Variants in SLC25A13 observed in about 807,000 individuals in gnomAD.
SLC25A13 encodes the protein electrogenic aspartate/glutamate antiporter SLC25A13, mitochondrial.
In SLC25A13, 70 loss-of-function variants were observed where a neutral mutation model predicts 85.5. The ratio of observed to expected loss-of-function variants is 0.82; its 90% confidence interval spans 0.68 to 1.00. SLC25A13 has a LOEUF of 1.00. Among genes scored for constraint, SLC25A13 ranks in the 50% least tolerant of loss-of-function variants. The probability of loss-of-function intolerance (pLI) is 0.00; values close to 1 mark genes in which losing one functional copy is unlikely to be tolerated. For missense variants in SLC25A13, 765 were observed against 819.8 expected (o/e 0.93, Z 0.82); for synonymous variants, 259 against 288.7 (o/e 0.90, Z 1.04).
intron 4 of SLC25A13, among the ~76,000 whole-genome samples, chr7:96,227,934 G>A (rs1392665391): frequency 6.6e-6 from 1 of 151,966 alleles, no homozygotes; most frequent in Non-Finnish European, 1.5e-5. Flanking sequence ...GCATGATGTC[G>A]GCTCACTGTA....
intron 13 of SLC25A13, among the ~76,000 whole-genome samples, chr7:96,160,959 T>C (rs936669191): frequency 1.3e-5 from 2 of 148,296 alleles, no homozygotes. Context: ...ATTTAGATAG[T>C]GCCATGAGGT....
intron 4 of SLC25A13, among the ~76,000 whole-genome samples, chr7:96,229,640 C>T (rs936348363): frequency 6.6e-6 from 1 of 152,032 alleles, no homozygotes; most frequent in Non-Finnish European, 1.5e-5. Context: ...AGGCCAGCGA[C>T]ACCACGAACC....
At chr7:96,233,839 GA>G (rs904099731) in intron 4 of SLC25A13, among the ~76,000 whole-genome samples, 30 of 152,308 alleles carry the variant, frequency 2.0e-4, no homozygotes, top group African/African-American at 7.2e-4. Flanking sequence ...GAATGAATTA[GA>G]AACTATGAAT....
intron 4 of SLC25A13, among the ~76,000 whole-genome samples, chr7:96,227,020 G>C (rs534485376): frequency 5.7e-4 from 87 of 152,244 alleles, no homozygotes; most frequent in African/African-American, 2.1e-3. Context: ...TATTCAATAT[G>C]TAGTAAAATA....
At chr7:96,239,065 A>ATTTTATATATATATATATATATATATG (rs1554362998) in intron 3 of SLC25A13, among the ~76,000 whole-genome samples, 1 of 132,070 alleles carries the variant, frequency 7.6e-6, no homozygotes, top group African/African-American at 2.9e-5. Flanking sequence ...ATATATATAT[A>ATTTTATATATATATATATATATATATG]TATGTATGTA....
rs148962110 is a variant in SLC25A13, at chr7:96,121,309, A to C, written c.1910T>G (p.Val637Gly). ...AGCAACTGCCAGTTTGTAGCCCCCA[A>C]CGTGATCAGGATTCGGGGCAGGCAG... ...INLPAPNPDH[V>G]GGYKLAVATF... The change falls in exon 18 of 18, where the codon GTT becomes GGT. Residue 637 changes from valine (V) to glycine (G), a missense_variant. Physicochemically the swap from Val to Gly is moderately radical, Grantham distance 109. Coordinates refer to ENST00000265631, the MANE Select transcript of SLC25A13 (RefSeq NM_014251.3). 1.2e-6 allele frequency: 2 copies of C among 1,614,082 alleles called. No homozygotes were observed. Among genetic ancestry groups the C allele is most frequent in the Non-Finnish European group, 1.7e-6 (2 of 1,180,004 alleles).
intron 1 of SLC25A13, among the ~76,000 whole-genome samples, chr7:96,317,128 G>T (rs1800158682): frequency 6.6e-6 from 1 of 152,030 alleles, no homozygotes; most frequent in Non-Finnish European, 1.5e-5. Flanking sequence ...GCACCACTAT[G>T]CCCGGCTAAT....
intron 3 of SLC25A13, among the ~76,000 whole-genome samples, chr7:96,253,139 A>AGACAGT (rs989340711): frequency 5.3e-5 from 8 of 152,186 alleles, no homozygotes; most frequent in African/African-American, 1.9e-4. Flanking sequence ...GGGCCAGAAC[A>AGACAGT]GACAGTGCTT....
At chr7:96,128,752 T>A (rs1233714306) in intron 15 of SLC25A13, among the ~76,000 whole-genome samples, 1 of 139,966 alleles carries the variant, frequency 7.1e-6, no homozygotes, top group Non-Finnish European at 1.5e-5. Flanking sequence ...GAACTTAAAG[T>A]ATAATAATAA....
intron 12 of SLC25A13, 110 bp downstream of exon 12, chr7:96,171,362 T>C (rs1285073674): frequency 3.7e-5 from 35 of 949,302 alleles, no homozygotes; most frequent in Non-Finnish European, 5.8e-5. Flanking sequence ...GCTTTCAAAT[T>C]AGCTAGCACC....
intron 13 of SLC25A13, among the ~76,000 whole-genome samples, chr7:96,157,183 A>T (rs1793305402): frequency 6.6e-6 from 1 of 152,238 alleles, no homozygotes; most frequent in Non-Finnish European, 1.5e-5. Context: ...TCAAACGCAC[A>T]GCATTCTACT....
intron 13 of SLC25A13, among the ~76,000 whole-genome samples, chr7:96,150,091 G>T (rs1792971408): frequency 6.6e-6 from 1 of 151,706 alleles, no homozygotes; most frequent in African/African-American, 2.4e-5. Context: ...ATTTACAGCG[G>T]TAACACTGAC....
In SLC25A13 at chr7:96,296,952, C is replaced by T. The variant is rs774759392; in HGVS notation, c.16-1G>A. The T allele has an allele frequency of 6.2e-7, 1 of 1,612,228 alleles. No homozygotes were observed. The highest frequency in any genetic ancestry group is 8.5e-7 in the Non-Finnish European group (1 of 1,178,488). On this transcript the variant is annotated splice_acceptor_variant, in intron 1 of 17. Transcript: ENST00000265631. LOFTEE classifies it high-confidence loss of function. ...GATCTGCTCTCTTGGTTAAAGCCACCTATAAATAAACATAAAAATGTTTAT... is the reference window on the plus strand; with the variant it reads ...GATCTGCTCTCTTGGTTAAAGCCACTTATAAATAAACATAAAAATGTTTAT...
chr7:96,254,501 C>G (rs546169034), intron 3 of SLC25A13, among the ~76,000 whole-genome samples: 2 of 152,262 alleles, frequency 1.3e-5, no homozygotes, highest in Admixed American at 1.3e-4. Context: ...TAATAAATGT[C>G]TTCATTTATT....
At chr7:96,188,490 T>C (rs1794721177) in intron 9 of SLC25A13, among the ~76,000 whole-genome samples, 2 of 152,210 alleles carry the variant, frequency 1.3e-5, no homozygotes, top group Non-Finnish European at 1.5e-5. Flanking sequence ...TGCCAGAAAC[T>C]GCGAAGTCTC....
chr7:96,217,104 T>C (rs1194515567), intron 4 of SLC25A13, among the ~76,000 whole-genome samples: 2 of 152,062 alleles, frequency 1.3e-5, no homozygotes, highest in African/African-American at 2.4e-5. Context: ...CAGCATAAAA[T>C]TGCCAAGAGG....
At chr7:96,136,908 GAGA>G (rs1792310894) in intron 14 of SLC25A13, among the ~76,000 whole-genome samples, 2 of 152,280 alleles carry the variant, frequency 1.3e-5, no homozygotes, top group Non-Finnish European at 2.9e-5. Context: ...CACCTTGTCT[GAGA>G]AGGTTATTCA....
chr7:96,130,701 A>G (rs987838067), intron 15 of SLC25A13, among the ~76,000 whole-genome samples: 1 of 152,222 alleles, frequency 6.6e-6, no homozygotes, highest in African/African-American at 2.4e-5. Flanking sequence ...TTTTATACTC[A>G]ACTCCTGAAA....
intron 3 of SLC25A13, among the ~76,000 whole-genome samples, chr7:96,240,747 GA>G (rs531256400): frequency 3.4e-4 from 44 of 129,860 alleles, no homozygotes; most frequent in African/African-American, 4.8e-4. Flanking sequence ...CCATCTACTA[GA>G]AAAAAAAAAA....
Sources: allele counts gnomAD v4.1 joint callset (sites outside exome capture counted in the v4.1 genomes callset), GRCh38; gene constraint gnomAD v4.1.1; transcripts MANE v1.5; gene names NCBI Gene and HGNC (gene_info 2026-07-23, HGNC 2026-07-21).